The following IL1RAPL2 variants were observed in gnomAD, a reference collection of about 807,000 sequenced individuals.
The protein encoded by IL1RAPL2 is interleukin 1 receptor accessory protein like 2, also known as X-linked interleukin-1 receptor accessory protein-like 2.
Under a neutral mutation model 44.1 loss-of-function variants are expected in IL1RAPL2, and 3 were observed. The ratio of observed to expected loss-of-function variants is 0.07; its 90% confidence interval spans 0.03 to 0.18. The LOEUF is 0.18. Among genes scored for constraint, IL1RAPL2 ranks in the 10% least tolerant of loss-of-function variants. The pLI, the probability that IL1RAPL2 is intolerant of heterozygous loss-of-function variation, is 1.00. For synonymous variants in IL1RAPL2, 181 were observed against 178.8 expected (o/e 1.01, Z -0.10); for missense variants, 391 against 496.4 (o/e 0.79, Z 2.02).
chrX:105,394,466 T>C (rs1363560622), intron 5 of IL1RAPL2, among the ~76,000 whole-genome samples: 1 of 111,556 alleles, frequency 9.0e-6, no homozygotes, highest in African/African-American at 3.3e-5. Flanking sequence ...GAGAGTCAAC[T>C]GGCATTATAT....
chrX:105,643,908 T>C (rs2037586452), intron 6 of IL1RAPL2, among the ~76,000 whole-genome samples: 1 of 111,477 alleles, frequency 9.0e-6, no homozygotes, highest in Non-Finnish European at 1.9e-5. Flanking sequence ...TTCTTTATTT[T>C]TGAGACAGAG....
At chrX:104,641,805 G>C (rs969121866) in intron 1 of IL1RAPL2, among the ~76,000 whole-genome samples, 5 of 111,942 alleles carry the variant, frequency 4.5e-5, no homozygotes, top group Admixed American at 3.8e-4. Flanking sequence ...CTGACAGCCT[G>C]ATAGCCCAAG....
chrX:105,024,446 C>T (rs911068777), intron 2 of IL1RAPL2, among the ~76,000 whole-genome samples: 4 of 111,206 alleles, frequency 3.6e-5, no homozygotes, highest in Admixed American at 2.9e-4. Context: ...TGATAACTAT[C>T]GAGCACAGAT....
chrX:105,693,437 T>A (rs887734604), intron 6 of IL1RAPL2, among the ~76,000 whole-genome samples: 1 of 111,547 alleles, frequency 9.0e-6, no homozygotes, highest in African/African-American at 3.3e-5. Flanking sequence ...GACATCTCTC[T>A]TACTTCCTTC....
chrX:105,264,485 T>G lies in IL1RAPL2; in HGVS notation c.544-2903T>G, dbSNP rs183050791. On this transcript the variant is annotated intron_variant, in intron 4 of 10. Transcript: ENST00000372582. The stretch of plus-strand genomic sequence containing the variant: ...GTAAGCCTAGCAGCCAGCAGCTTAC[T>G]GGGAGAAAGAGTGCCAATAATGGAA... Among the ~76,000 whole-genome samples the G allele has an allele frequency of 1.5e-4, 17 of 111,516 alleles. No individual in the cohort carries two copies. The East Asian group carries it at 4.8e-3, about 32-fold the overall frequency.
chrX:105,479,925 A>G (rs2147774188), intron 5 of IL1RAPL2, among the ~76,000 whole-genome samples: 1 of 111,394 alleles, frequency 9.0e-6, no homozygotes, highest in South Asian at 3.8e-4. Flanking sequence ...GTTAAATGTT[A>G]TGACGAAAAT....
intron 2 of IL1RAPL2, among the ~76,000 whole-genome samples, chrX:105,062,501 T>G (rs1164707623): frequency 8.9e-6 from 1 of 111,757 alleles, no homozygotes; most frequent in Non-Finnish European, 1.9e-5. Context: ...ATATTCTGTG[T>G]GTCTTTGTAC....
intron 5 of IL1RAPL2, among the ~76,000 whole-genome samples, chrX:105,333,422 C>T (rs1188486085): frequency 1.8e-5 from 2 of 111,496 alleles, no homozygotes; most frequent in Non-Finnish European, 3.8e-5. Flanking sequence ...TACAAGAAAA[C>T]GTTGGGAAAA....
At chrX:104,721,523 C>T (rs1342008543) in intron 2 of IL1RAPL2, among the ~76,000 whole-genome samples, 1 of 110,202 alleles carries the variant, frequency 9.1e-6, no homozygotes, top group African/African-American at 3.3e-5. Context: ...ACATTGGGGC[C>T]TCTTGGCAGG....
At chrX:105,397,612 A>G (rs752147081) in intron 5 of IL1RAPL2, among the ~76,000 whole-genome samples, 1 of 111,551 alleles carries the variant, frequency 9.0e-6, no homozygotes, top group East Asian at 2.8e-4. Flanking sequence ...ATTTGAAGAT[A>G]CATAGAGAAA....
Position 105,447,209 on chromosome X carries a change from AT to A in IL1RAPL2, c.698-37103del, listed in dbSNP as rs2035967825. Among the ~76,000 whole-genome samples the A allele has an allele frequency of 4.3e-4, 6 of 13,986 alleles. 1 individual carries two copies. Among genetic ancestry groups the A allele is most frequent in the Non-Finnish European group, 5.5e-4 (6 of 10,898 alleles). The allele number at this position is 13,986 out of a possible 115,157, so 12.1% of individuals were successfully genotyped here. A position where few individuals can be genotyped will look rare whatever the true frequency, so the allele number is the denominator to read the frequency against. ...TATAAATATATATAAATATATATAAATATATATAAAATATATATAAATATAT... is the reference window on the plus strand; with the variant it reads ...TATAAATATATATAAATATATATAAAATATATAAAATATATATAAATATAT... On this transcript the variant is annotated intron_variant, in intron 5 of 10. Transcript: ENST00000372582.
At chrX:105,739,149 C>T (rs985881915) in intron 7 of IL1RAPL2, among the ~76,000 whole-genome samples, 1 of 110,959 alleles carries the variant, frequency 9.0e-6, no homozygotes, top group African/African-American at 3.3e-5. Context: ...CTAACCTCTA[C>T]CACAAAACCT....
intron 6 of IL1RAPL2, among the ~76,000 whole-genome samples, chrX:105,658,393 C>A (rs1481833929): frequency 1.8e-5 from 2 of 112,451 alleles, no homozygotes; most frequent in Admixed American, 1.9e-4. Context: ...TTACAAAAAT[C>A]TTGCATTGCA....
rs36063657 is a variant in IL1RAPL2, at chrX:105,099,453, CTTTTTTTTTTTTTTTTT to C, written c.83-96009_83-95993del. Among the ~76,000 whole-genome samples the C allele has an allele frequency of 2.8e-4, 10 of 35,866 alleles. No homozygotes were observed. The South Asian group carries it at 0.017, about 62-fold the overall frequency. 31.1% of individuals were successfully genotyped at this position (35,866 alleles called of 115,157 possible). A position where few individuals can be genotyped will look rare whatever the true frequency, so the allele number is the denominator to read the frequency against. ...AGACGGGTGGGAGAGGTGCCACATA[CTTTTTTTTTTTTTTTTT>C]TTTTTTTTTTTTGAGATGGAGTCTC... On this transcript the variant is annotated intron_variant, in intron 2 of 10. Coordinates refer to ENST00000372582, the MANE Select transcript of IL1RAPL2 (RefSeq NM_017416.2).
rs782699507 is a variant in IL1RAPL2 at position 105,220,086 on chromosome X, T to A, written c.357-13732T>A. On this transcript the variant is annotated intron_variant, in intron 3 of 10. Transcript: ENST00000372582. ...TCTTCAGGTCTGATGCCAAGGCCTGTGCGGCTGATTTGTGCAGTTTGGCGA... is the reference window on the plus strand; with the variant it reads ...TCTTCAGGTCTGATGCCAAGGCCTGAGCGGCTGATTTGTGCAGTTTGGCGA... 8.3e-6 allele frequency: 10 copies of A among 1,210,233 alleles called. No individual in the cohort carries two copies. The African/African-American group carries it at 1.7e-4, about 21-fold the overall frequency.
At chrX:105,119,777 AAGTT>A (rs1056328185) in intron 2 of IL1RAPL2, among the ~76,000 whole-genome samples, 14 of 111,333 alleles carry the variant, frequency 1.3e-4, no homozygotes, top group African/African-American at 2.9e-4. Context: ...TTAAACTAAA[AAGTT>A]AGTTGGATAC....
intron 2 of IL1RAPL2, among the ~76,000 whole-genome samples, chrX:104,879,524 A>T (rs1194290157): frequency 3.6e-5 from 4 of 111,446 alleles, no homozygotes; most frequent in African/African-American, 6.5e-5. Flanking sequence ...TTCATTTTCA[A>T]GTGTAATATG....
At chrX:105,587,622 A>T (rs961356110) in intron 6 of IL1RAPL2, among the ~76,000 whole-genome samples, 2 of 111,970 alleles carry the variant, frequency 1.8e-5, no homozygotes, top group Non-Finnish European at 3.8e-5. Context: ...ATAAATTTAG[A>T]TTGAAATAGA....
At chrX:105,329,521 T>A (rs1325816343) in intron 5 of IL1RAPL2, among the ~76,000 whole-genome samples, 4 of 112,046 alleles carry the variant, frequency 3.6e-5, no homozygotes, top group African/African-American at 1.3e-4. Flanking sequence ...AAAGTAAACA[T>A]TGAGCTAAGC....
Sources: gnomAD v4.1 joint callset for allele counts (sites outside exome capture counted in the v4.1 genomes callset) on GRCh38, gnomAD v4.1.1 for gene constraint, MANE v1.5 for transcripts, NCBI Gene and HGNC (gene_info 2026-07-23, HGNC 2026-07-21) for gene names.